Variants in ABCG2 observed in about 807,000 individuals in gnomAD.
The protein encoded by ABCG2 is ATP binding cassette subfamily G member 2 (JR blood group).
A neutral mutation model predicts 73.5 loss-of-function variants in ABCG2; 80 were observed. That is an observed-to-expected ratio of 1.09 (90% CI 0.91 to 1.31). The LOEUF is 1.31. Among genes scored for constraint, ABCG2 ranks in the 50% most tolerant of loss-of-function variants. ABCG2 has a pLI of 0.00. For synonymous variants in ABCG2, 269 were observed against 282.4 expected, an observed-to-expected ratio of 0.95 and a Z score of 0.48; for missense variants, 796 against 786.2, an observed-to-expected ratio of 1.01 and a Z score of -0.15.
intron 1 of ABCG2, among the ~76,000 whole-genome samples, chr4:88,210,253 C>T (rs1488756990): frequency 6.6e-6 from 1 of 152,044 alleles, no homozygotes; most frequent in Non-Finnish European, 1.5e-5. Flanking sequence ...CAGTGCCTCT[C>T]TATGTTGCCT....
At chr4:88,146,450 G>T (rs578106210) in intron 1 of ABCG2, among the ~76,000 whole-genome samples, 1 of 151,988 alleles carries the variant, frequency 6.6e-6, no homozygotes, top group East Asian at 1.9e-4. Context: ...ACGTAGTGCA[G>T]TGGTGTGGAT....
intron 1 of ABCG2, among the ~76,000 whole-genome samples, chr4:88,156,288 T>A (rs1311061868): frequency 7.0e-6 from 1 of 143,372 alleles, no homozygotes; most frequent in Non-Finnish European, 1.5e-5. Flanking sequence ...GGCACAAGAA[T>A]CGCTTGAGCC....
At chr4:88,230,308 T>TATA (rs746680651) in intron 1 of ABCG2, among the ~76,000 whole-genome samples, 3,184 of 96,094 alleles carry the variant, frequency 0.033, 453 homozygotes, top group South Asian at 0.097. Context: ...TATATATATA[T>TATA]TTTTTTTTTT....
chr4:88,160,009 G>A (rs1364620466), upstream of ABCG2, among the ~76,000 whole-genome samples: 1 of 152,158 alleles, frequency 6.6e-6, no homozygotes, highest in African/African-American at 2.4e-5. Context: ...TTGGGAGGCT[G>A]ACGCAGGCAG....
chr4:88,146,938 G>A (rs1028127993), intron 1 of ABCG2, among the ~76,000 whole-genome samples: 1 of 143,098 alleles, frequency 7.0e-6, no homozygotes, highest in Non-Finnish European at 1.5e-5. Context: ...AGGAAGGAAG[G>A]GAGGGAGGAA....
At chr4:88,188,777 G>T (rs1728567190) in intron 1 of ABCG2, among the ~76,000 whole-genome samples, 1 of 152,092 alleles carries the variant, frequency 6.6e-6, no homozygotes, top group Non-Finnish European at 1.5e-5. Flanking sequence ...ACTTTGGAAG[G>T]CCAAGGCAGG....
chr4:88,227,039 G>A (rs1730248574), intron 1 of ABCG2, among the ~76,000 whole-genome samples: 1 of 152,170 alleles, frequency 6.6e-6, no homozygotes, highest in Non-Finnish European at 1.5e-5. Context: ...GGTAGAGGCT[G>A]TAGTGAGCCT....
Position 88,158,495 on chromosome 4 carries a change from G to A in ABCG2, c.-129C>T, listed in dbSNP as rs111692024. ...TGTAAATGTTGGGATGAGTCACCCG[G>A]ACCTTCCAAACAAACTCTAAAGCAG... On this transcript the variant is annotated 5_prime_UTR_variant, in exon 1 of 16. Transcript: ENST00000237612. 1.2e-4 allele frequency: 54 copies of A among 456,284 alleles called. No homozygotes were observed. In the East Asian group the frequency reaches 2.9e-3, roughly 24 times the overall value. The allele number at this position is 456,284 out of a possible 1,614,324, so 28.3% of individuals were successfully genotyped here. A position where few individuals can be genotyped will look rare whatever the true frequency, so the allele number is the denominator to read the frequency against.
chr4:88,209,818 T>A (rs1406950044), intron 1 of ABCG2, among the ~76,000 whole-genome samples: 1 of 152,150 alleles, frequency 6.6e-6, no homozygotes, highest in Non-Finnish European at 1.5e-5. Context: ...TAATGATAAG[T>A]TTTAGATTCA....
At chr4:88,161,991 T>A (rs1000106772), upstream of ABCG2, among the ~76,000 whole-genome samples, 4 of 151,628 alleles carry the variant, frequency 2.6e-5, no homozygotes, top group African/African-American at 9.7e-5. Context: ...TGTCTGTTCA[T>A]GTCCTTCGCC....
At chr4:88,206,559 C>T (rs1729389601) in intron 1 of ABCG2, 1 of 152,218 alleles carries the variant, frequency 6.6e-6, no homozygotes, top group Admixed American at 6.5e-5. Flanking sequence ...ACACTCCCCA[C>T]TCTTCTTTTC....
chr4:88,148,676 T>G (rs566172563), intron 1 of ABCG2, among the ~76,000 whole-genome samples: 1 of 152,344 alleles, frequency 6.6e-6, no homozygotes, highest in South Asian at 2.1e-4. Flanking sequence ...AGGGATCCTA[T>G]GCCAACTGTA....
At chr4:88,176,691 A>C (rs1727999276) in intron 1 of ABCG2, among the ~76,000 whole-genome samples, 1 of 136,886 alleles carries the variant, frequency 7.3e-6, no homozygotes, top group African/African-American at 2.7e-5. Context: ...ACAGGGTCTC[A>C]ATATGTTCCC....
intron 1 of ABCG2, among the ~76,000 whole-genome samples, chr4:88,147,627 T>C (rs893112408): frequency 6.6e-6 from 1 of 152,222 alleles, no homozygotes; most frequent in Non-Finnish European, 1.5e-5. Flanking sequence ...CAATTATTCC[T>C]ATTAAGTGAA....
At chr4:88,174,151 T>G (rs1486666958) in intron 1 of ABCG2, among the ~76,000 whole-genome samples, 1 of 152,086 alleles carries the variant, frequency 6.6e-6, no homozygotes. Flanking sequence ...GACTGGTGTT[T>G]TTTTTTTTTC....
At chr4:88,101,181 T>C (rs775095199) in intron 11 of ABCG2, 49 bp downstream of exon 11, 6 of 1,531,638 alleles carry the variant, frequency 3.9e-6, no homozygotes, top group South Asian at 1.1e-5. Flanking sequence ...GTCTAACCAA[T>C]AGCCCCTGCT....
At chr4:88,103,107 A>AT (rs1472767060) in intron 10 of ABCG2, among the ~76,000 whole-genome samples, 2 of 152,192 alleles carry the variant, frequency 1.3e-5, no homozygotes, top group Non-Finnish European at 2.9e-5. Flanking sequence ...TGTACATATA[A>AT]TTAAAATGAG....
At chr4:88,230,073 A>C (rs60005583) in intron 1 of ABCG2, among the ~76,000 whole-genome samples, 5,255 of 149,424 alleles carry the variant, frequency 0.035, 314 homozygotes, top group African/African-American at 0.12. Context: ...GCTCACTGCA[A>C]ATGCTGCCTC....
chr4:88,227,339 T>C (rs1730261023), intron 1 of ABCG2, among the ~76,000 whole-genome samples: 1 of 152,152 alleles, frequency 6.6e-6, no homozygotes, highest in Non-Finnish European at 1.5e-5. Context: ...GAGGCTGCAG[T>C]GAGCCGAGAT....
Sources: gnomAD v4.1 joint callset for allele counts (sites outside exome capture counted in the v4.1 genomes callset) on GRCh38, gnomAD v4.1.1 for gene constraint, MANE v1.5 for transcripts, NCBI Gene and HGNC (gene_info 2026-07-23, HGNC 2026-07-21) for gene names.